The following KIF16B variants were observed in gnomAD, a reference collection of about 807,000 sequenced individuals.
KIF16B encodes kinesin-like protein KIF16B.
In KIF16B, 98 loss-of-function variants were observed where a neutral mutation model predicts 156.3. The ratio of observed to expected loss-of-function variants is 0.63; its 90% CI spans 0.53 to 0.74. The LOEUF (loss-of-function observed/expected upper bound fraction) is 0.74. KIF16B is among the 30% of genes least tolerant of loss of function. The pLI, the probability that KIF16B is intolerant of heterozygous loss-of-function variation, is 0.00. For synonymous variants in KIF16B, 564 were observed against 583.7 expected (o/e 0.97, Z 0.49); for missense variants, 1,421 against 1,606.5 (o/e 0.88, Z 1.97).
At chr20:16,377,507 C>T (rs1283275120) in intron 19 of KIF16B, among the ~76,000 whole-genome samples, 1 of 152,084 alleles carries the variant, frequency 6.6e-6, no homozygotes, top group Non-Finnish European at 1.5e-5. Flanking sequence ...TTGCTTGAGC[C>T]CAGGAGTTTG....
chr20:16,413,766 G>A (rs766138675), intron 15 of KIF16B, among the ~76,000 whole-genome samples: 14 of 141,278 alleles, frequency 9.9e-5, no homozygotes, highest in Admixed American at 1.5e-4. Context: ...CACATAGGAT[G>A]CAATGCACTG....
intron 23 of KIF16B, among the ~76,000 whole-genome samples, chr20:16,345,028 C>T (rs1319274276): frequency 6.6e-6 from 1 of 152,190 alleles, no homozygotes; most frequent in Non-Finnish European, 1.5e-5. Context: ...CATCACTTGT[C>T]CTTTTCTACC....
At chr20:16,369,074 C>A (rs1442963373) in intron 22 of KIF16B, 22 of 985,770 alleles carry the variant, frequency 2.2e-5, no homozygotes, top group Non-Finnish European at 2.5e-5. Flanking sequence ...GAGGACTGAT[C>A]CCTCTGCTGG....
chr20:16,388,396 G>A (rs1471511288), intron 17 of KIF16B, among the ~76,000 whole-genome samples: 1 of 152,154 alleles, frequency 6.6e-6, no homozygotes, highest in Non-Finnish European at 1.5e-5. Context: ...TTATCAAGGA[G>A]AGAACATCAA....
intron 12 of KIF16B, among the ~76,000 whole-genome samples, chr20:16,435,313 G>C (rs13044284): frequency 0.032 from 4,929 of 152,256 alleles, 78 homozygotes; most frequent in African/African-American, 0.038. Context: ...GGGCAGTATG[G>C]TACTTACTTT....
intron 1 of KIF16B, among the ~76,000 whole-genome samples, chr20:16,557,902 C>T (rs747178555): frequency 2.0e-5 from 3 of 152,148 alleles, no homozygotes; most frequent in Non-Finnish European, 4.4e-5. Context: ...GGAGCATAAT[C>T]CAAGAACAAG....
intron 25 of KIF16B, among the ~76,000 whole-genome samples, chr20:16,306,201 C>T (rs6080217): frequency 0.36 from 55,309 of 151,950 alleles, 10,369 homozygotes; most frequent in African/African-American, 0.45. Context: ...AATCTAACAT[C>T]GCTTTAAAAT....
intron 25 of KIF16B, among the ~76,000 whole-genome samples, chr20:16,285,095 A>C (rs1299225462): frequency 1.3e-5 from 2 of 152,088 alleles, no homozygotes; most frequent in Non-Finnish European, 2.9e-5. Context: ...TGAGAAACTA[A>C]ATTTTTAAAA....
chr20:16,292,868 T>C (rs1291521835), intron 25 of KIF16B, among the ~76,000 whole-genome samples: 1 of 152,174 alleles, frequency 6.6e-6, no homozygotes, highest in Non-Finnish European at 1.5e-5. Context: ...ATAACAGTAC[T>C]AAAAGATGCA....
At chr20:16,457,400 A>G (rs913750784) in intron 12 of KIF16B, among the ~76,000 whole-genome samples, 3 of 152,258 alleles carry the variant, frequency 2.0e-5, no homozygotes, top group Admixed American at 2.0e-4. Context: ...TTGCTGTTTA[A>G]TAACGAACGT....
Position 16,478,273 on chromosome 20 carries a change from C to T in KIF16B, c.1302+16018G>A, listed in dbSNP as rs992935977. ...AACCATAACGTGATACAACTAGATA[C>T]CCACTAGAGTGCATAACATGAAAAG... On this transcript the variant is annotated intron_variant, in intron 12 of 25. Transcript: ENST00000354981. 2.0e-5 allele frequency among the ~76,000 whole-genome samples: 3 copies of T among 152,122 alleles called. No individual in the cohort carries two copies. The East Asian group carries it at 5.8e-4, about 29-fold the overall frequency.
intron 1 of KIF16B, among the ~76,000 whole-genome samples, chr20:16,548,001 G>A (rs2070480643): frequency 6.6e-6 from 1 of 152,136 alleles, no homozygotes; most frequent in African/African-American, 2.4e-5. Context: ...TGAGAAGGGT[G>A]AGAATCAGCG....
At chr20:16,350,895 G>T (rs964238034) in intron 23 of KIF16B, among the ~76,000 whole-genome samples, 6 of 150,632 alleles carry the variant, frequency 4.0e-5, no homozygotes, top group African/African-American at 1.2e-4. Context: ...TGGGCACTGG[G>T]GGGGGGTCTG....
chr20:16,523,728 G>A (rs1230447852), intron 3 of KIF16B, among the ~76,000 whole-genome samples: 1 of 152,094 alleles, frequency 6.6e-6, no homozygotes, highest in East Asian at 1.9e-4. Flanking sequence ...GTATAGCCAA[G>A]ACAATCCTAA....
intron 25 of KIF16B, among the ~76,000 whole-genome samples, chr20:16,299,006 A>G (rs1430108241): frequency 6.6e-6 from 1 of 152,218 alleles, no homozygotes; most frequent in African/African-American, 2.4e-5. Flanking sequence ...ATTGAAACAT[A>G]CATGTTGTAA....
intron 1 of KIF16B, among the ~76,000 whole-genome samples, chr20:16,529,921 C>A (rs972034885): frequency 1.3e-5 from 2 of 152,164 alleles, no homozygotes; most frequent in Non-Finnish European, 2.9e-5. Flanking sequence ...ACTGCACTCA[C>A]TCCAACCTGG....
At chr20:16,368,879 GTTTATC>G in intron 22 of KIF16B, 3 of 985,816 alleles carry the variant, frequency 3.0e-6, no homozygotes, top group Non-Finnish European at 2.4e-6. Flanking sequence ...CTCAAGCCAT[GTTTATC>G]TTTATGAGTC....
intron 24 of KIF16B, among the ~76,000 whole-genome samples, chr20:16,315,964 A>G (rs2063691913): frequency 6.6e-6 from 1 of 152,212 alleles, no homozygotes; most frequent in African/African-American, 2.4e-5. Flanking sequence ...CCCCATTAAT[A>G]TAATGATATT....
At chr20:16,521,241 T>C (rs768385884) in intron 3 of KIF16B, among the ~76,000 whole-genome samples, 16 of 152,012 alleles carry the variant, frequency 1.1e-4, no homozygotes, top group Non-Finnish European at 1.6e-4. Context: ...GAGTATGTTC[T>C]AACCCAATGC....
Sources: allele counts gnomAD v4.1 joint callset (sites outside exome capture counted in the v4.1 genomes callset), GRCh38; gene constraint gnomAD v4.1.1; transcripts MANE v1.5; gene names NCBI Gene and HGNC (gene_info 2026-07-23, HGNC 2026-07-21).